The following GLRA1 variants were observed in gnomAD, a reference collection of about 807,000 sequenced individuals.
The protein encoded by GLRA1 is glycine receptor subunit alpha-1.
A neutral mutation model predicts 48.3 loss-of-function variants in GLRA1; 37 were observed. That is an observed-to-expected ratio of 0.77 (90% CI 0.59 to 1.01). The LOEUF (loss-of-function observed/expected upper bound fraction) is 1.01. Among genes scored for constraint, GLRA1 ranks in the 50% least tolerant of loss-of-function variants. The pLI is 0.00. For missense variants in GLRA1, 427 were observed against 571.0 expected (o/e 0.75, Z 2.57); for synonymous variants, 196 against 210.7 (o/e 0.93, Z 0.60).
In GLRA1 at chr5:151,916,868, G is replaced by A. The variant is rs553874007; in HGVS notation, c.56+7626C>T. The stretch of plus-strand genomic sequence containing the variant: ...GCTTTTGGTGCACCAGGACTTCAGA[G>A]ACCAGGCCACCAGTTTGGGGATAGG... On this transcript the variant is annotated intron_variant, in intron 1 of 8. Transcript: ENST00000274576. Among the ~76,000 whole-genome samples, 6 of 152,276 alleles carry A rather than the reference G, an allele frequency of 3.9e-5. No individual in the cohort carries two copies. In the South Asian group the frequency reaches 1.2e-3, roughly 32 times the overall value.
chr5:151,894,086 A>G (rs1436667241), intron 1 of GLRA1, among the ~76,000 whole-genome samples: 3 of 152,170 alleles, frequency 2.0e-5, no homozygotes, highest in Admixed American at 6.5e-5. Context: ...AGCAGCACTG[A>G]CATGTGCTTG....
At chr5:151,849,830 A>G (rs763770199) in intron 7 of GLRA1, 16 of 1,288,486 alleles carry the variant, frequency 1.2e-5, no homozygotes, top group Non-Finnish European at 1.6e-5. Context: ...CTGGGATTAC[A>G]GGCATGAGCC....
intron 2 of GLRA1, among the ~76,000 whole-genome samples, chr5:151,887,178 C>A (rs1011550609): frequency 6.6e-6 from 1 of 152,194 alleles, no homozygotes; most frequent in South Asian, 2.1e-4. Flanking sequence ...TTACAAGGAA[C>A]AGCAAGCTCC....
chr5:151,829,095 G>A (rs1301089829), intron 7 of GLRA1, 28 bp from the exon 8 acceptor site: 5 of 1,611,376 alleles, frequency 3.1e-6, no homozygotes, highest in Non-Finnish European at 4.2e-6. Context: ...GAGAAACAGG[G>A]AGGTGAAAGC....
intron 1 of GLRA1, among the ~76,000 whole-genome samples, chr5:151,917,802 C>A (rs569655632): frequency 2.0e-5 from 3 of 152,282 alleles, no homozygotes; most frequent in East Asian, 3.9e-4. Context: ...AAGTGCAATT[C>A]TCTGGGGGTG....
intron 2 of GLRA1, among the ~76,000 whole-genome samples, chr5:151,887,652 C>T (rs1476463619): frequency 6.6e-6 from 1 of 152,094 alleles, no homozygotes; most frequent in Non-Finnish European, 1.5e-5. Context: ...TTGTCTAACT[C>T]CAAGGGTGCT....
chr5:151,858,332 AG>A (rs541406293), intron 4 of GLRA1, among the ~76,000 whole-genome samples: 283 of 152,322 alleles, frequency 1.9e-3, no homozygotes, highest in Non-Finnish European at 3.4e-3. Context: ...TGCAGATAAA[AG>A]CTCCAAAGTG....
At position 151,924,624 on chromosome 5, in the gene GLRA1, G is replaced by GAA; in HGVS notation, c.-77_-76dup. The GAA allele has an allele frequency of 1.1e-6, 1 of 916,428 alleles. No individual in the cohort carries two copies. Among genetic ancestry groups the GAA allele is most frequent in the Middle Eastern group, 2.1e-4 (1 of 4,698 alleles). The allele number at this position is 916,428 out of a possible 1,614,324, so 56.8% of individuals were successfully genotyped here. ...TTTCAAATTGGCACTTACAAAACCA[G>GAA]AAAGCGCTATTGCAAAAAATAATCC... On this transcript the variant is annotated 5_prime_UTR_variant, in exon 1 of 9. Transcript: ENST00000274576.
At chr5:151,864,351 G>A (rs574357340) in intron 3 of GLRA1, among the ~76,000 whole-genome samples, 53 of 152,284 alleles carry the variant, frequency 3.5e-4, no homozygotes, top group South Asian at 1.0e-3. Context: ...AGCAGGCGCC[G>A]TTCTAGATAC....
At chr5:151,864,490 G>A (rs1753282437) in intron 3 of GLRA1, among the ~76,000 whole-genome samples, 2 of 152,258 alleles carry the variant, frequency 1.3e-5, no homozygotes, top group Non-Finnish European at 1.5e-5. Context: ...GAGTGGCAGA[G>A]CTAGGACTGC....
At chr5:151,836,012 G>T (rs1763569907) in intron 7 of GLRA1, among the ~76,000 whole-genome samples, 1 of 152,208 alleles carries the variant, frequency 6.6e-6, no homozygotes, top group Non-Finnish European at 1.5e-5. Flanking sequence ...AAGAGAGGAA[G>T]TCAAATTATA....
intron 2 of GLRA1, among the ~76,000 whole-genome samples, chr5:151,889,499 T>G (rs754476582): frequency 6.6e-6 from 1 of 152,228 alleles, no homozygotes; most frequent in Admixed American, 6.5e-5. Context: ...GCTGTTTTAG[T>G]GCCCTTTACT....
intron 8 of GLRA1, 118 bp from the exon 9 acceptor site, chr5:151,823,081 C>T (rs922031210): frequency 2.2e-6 from 2 of 913,274 alleles, no homozygotes; most frequent in African/African-American, 3.4e-5. Context: ...GCTTTCCAGA[C>T]TGCATCACTC....
intron 7 of GLRA1, among the ~76,000 whole-genome samples, chr5:151,841,150 TAA>T (rs959992409): frequency 1.3e-5 from 2 of 152,070 alleles, no homozygotes; most frequent in Non-Finnish European, 2.9e-5. Context: ...GTCTCAAACT[TAA>T]AATAGTTGAA....
At chr5:151,830,095 C>G (rs1763386132) in intron 7 of GLRA1, among the ~76,000 whole-genome samples, 1 of 152,186 alleles carries the variant, frequency 6.6e-6, no homozygotes, top group African/African-American at 2.4e-5. Context: ...GTGTTTTGCC[C>G]TATTCCTGTC....
At chr5:151,882,674 C>G (rs1753787875) in intron 3 of GLRA1, among the ~76,000 whole-genome samples, 1 of 151,940 alleles carries the variant, frequency 6.6e-6, no homozygotes, top group Non-Finnish European at 1.5e-5. Flanking sequence ...TTCTAACAAC[C>G]AGATTCTCTC....
intron 6 of GLRA1, among the ~76,000 whole-genome samples, chr5:151,852,857 T>C (rs1226499027): frequency 6.6e-6 from 1 of 152,230 alleles, no homozygotes; most frequent in Non-Finnish European, 1.5e-5. Context: ...TGGACCATGA[T>C]ATATTTCTCA....
At chr5:151,862,479 G>T (rs1753231591) in intron 3 of GLRA1, among the ~76,000 whole-genome samples, 1 of 152,214 alleles carries the variant, frequency 6.6e-6, no homozygotes, top group Admixed American at 6.5e-5. Context: ...CCATCAGAGT[G>T]AACAGGCAAC....
chr5:151,835,232 T>G (rs1250141848), intron 7 of GLRA1, among the ~76,000 whole-genome samples: 2 of 152,024 alleles, frequency 1.3e-5, no homozygotes, highest in African/African-American at 2.4e-5. Flanking sequence ...AGGAAGAAGT[T>G]GAATCCCGGA....
Sources: allele counts gnomAD v4.1 joint callset (sites outside exome capture counted in the v4.1 genomes callset), GRCh38; gene constraint gnomAD v4.1.1; transcripts MANE v1.5; gene names NCBI Gene and HGNC (gene_info 2026-07-23, HGNC 2026-07-21).